The following SYT1 variants were observed in gnomAD, a reference collection of about 807,000 sequenced individuals.
SYT1 encodes synaptotagmin-1.
Under a neutral mutation model 44.8 loss-of-function variants are expected in SYT1, and 8 were observed. The observed-to-expected ratio is 0.18, with a 90% CI of 0.10 to 0.32. The LOEUF (loss-of-function observed/expected upper bound fraction) is 0.32. SYT1 is among the 10% of genes least tolerant of loss of function. The pLI, the probability that SYT1 is intolerant of heterozygous loss-of-function variation, is 1.00. For missense variants in SYT1, 286 were observed against 509.3 expected (o/e 0.56, Z 4.22); for synonymous variants, 154 against 188.8 (o/e 0.82, Z 1.51).
chr12:78,952,262 T>C (rs1236773408), intron 1 of SYT1, among the ~76,000 whole-genome samples: 8 of 152,110 alleles, frequency 5.3e-5, no homozygotes, highest in Admixed American at 5.2e-4. Flanking sequence ...AAAAAAGACC[T>C]AGAACAATTT....
At chr12:79,314,753 A>C (rs1880999376) in intron 8 of SYT1, among the ~76,000 whole-genome samples, 1 of 152,152 alleles carries the variant, frequency 6.6e-6, no homozygotes, top group Non-Finnish European at 1.5e-5. Flanking sequence ...ATACACACCA[A>C]AAAAAATGTA....
chr12:79,059,970 C>T (rs974825442), intron 3 of SYT1, among the ~76,000 whole-genome samples: 8 of 152,102 alleles, frequency 5.3e-5, no homozygotes, highest in Admixed American at 5.2e-4. Flanking sequence ...CTGTGTAATG[C>T]TAAAACCTGT....
intron 4 of SYT1, among the ~76,000 whole-genome samples, chr12:79,228,908 C>A (rs4842310): frequency 0.71 from 107,352 of 152,066 alleles, 38,537 homozygotes; most frequent in African/African-American, 0.81. Flanking sequence ...TCAAGTGTCA[C>A]CACTTGGATG....
At chr12:78,957,906 A>G (rs1879293986) in intron 1 of SYT1, among the ~76,000 whole-genome samples, 1 of 152,192 alleles carries the variant, frequency 6.6e-6, no homozygotes, top group South Asian at 2.1e-4. Flanking sequence ...CAGTTGACCC[A>G]ATCTGTAATT....
At chr12:79,049,673 C>G (rs10861415) in intron 3 of SYT1, among the ~76,000 whole-genome samples, 25,117 of 151,770 alleles carry the variant, frequency 0.17, 2,085 homozygotes, top group East Asian at 0.24. Context: ...ATAGATAATA[C>G]AGTGACATTT....
rs138628883 is a variant in SYT1, at chr12:79,139,621, T to C, written c.-17-77882T>C. ...AATGGTACTTTTTGATAAATAAAAA[T>C]GATGACATCCTCCTTCTATAATACC... On this transcript the variant is annotated intron_variant, in intron 3 of 10. Coordinates refer to ENST00000261205, the MANE Select transcript of SYT1 (RefSeq NM_005639.3). 7.9e-3 allele frequency among the ~76,000 whole-genome samples: 1,202 copies of C among 152,312 alleles called. 9 individuals carry two copies. The highest frequency in any genetic ancestry group is 0.014 in the Non-Finnish European group (951 of 68,018).
intron 1 of SYT1, among the ~76,000 whole-genome samples, chr12:78,967,234 C>A (rs577589639): frequency 4.6e-5 from 7 of 152,090 alleles, no homozygotes; most frequent in Non-Finnish European, 1.0e-4. Context: ...CAAAAGCTGA[C>A]ATGTATACAA....
chr12:78,982,437 T>A (rs1348491607), intron 2 of SYT1, among the ~76,000 whole-genome samples: 1 of 152,190 alleles, frequency 6.6e-6, no homozygotes, highest in African/African-American at 2.4e-5. Flanking sequence ...AAATAATTGT[T>A]CATCTTTCAT....
chr12:78,979,811 T>C (rs1226942920), intron 2 of SYT1, among the ~76,000 whole-genome samples: 4 of 152,082 alleles, frequency 2.6e-5, no homozygotes, highest in Non-Finnish European at 2.9e-5. Flanking sequence ...GTAAAAGGTA[T>C]TAAATTTATA....
intron 8 of SYT1, among the ~76,000 whole-genome samples, chr12:79,343,031 C>T (rs1882447633): frequency 6.6e-6 from 1 of 152,046 alleles, no homozygotes; most frequent in African/African-American, 2.4e-5. Flanking sequence ...CAAAGGGAGA[C>T]CAAGAGTGAG....
intron 3 of SYT1, among the ~76,000 whole-genome samples, chr12:79,064,798 AACACACACAC>A (rs375218157): frequency 6.7e-6 from 1 of 148,990 alleles, no homozygotes. Context: ...CTGCACCCCA[AACACACACAC>A]ACACACATAC....
intron 3 of SYT1, among the ~76,000 whole-genome samples, chr12:79,161,224 A>C (rs1870928966): frequency 6.6e-6 from 1 of 152,102 alleles, no homozygotes; most frequent in Admixed American, 6.6e-5. Flanking sequence ...TGGGCAACAG[A>C]GTGAGATCCT....
At chr12:79,089,607 A>T (rs1490976598) in intron 3 of SYT1, among the ~76,000 whole-genome samples, 2 of 152,008 alleles carry the variant, frequency 1.3e-5, no homozygotes, top group African/African-American at 4.8e-5. Flanking sequence ...TATGCAAAGG[A>T]TTCAAGTTTG....
intron 4 of SYT1, among the ~76,000 whole-genome samples, chr12:79,259,106 C>T (rs979511630): frequency 1.3e-4 from 20 of 152,252 alleles, no homozygotes; most frequent in Admixed American, 9.2e-4. Flanking sequence ...TCACATAAAA[C>T]TAGGAAATGT....
At chr12:78,916,770 T>C (rs1876678239) in intron 1 of SYT1, among the ~76,000 whole-genome samples, 2 of 152,052 alleles carry the variant, frequency 1.3e-5, no homozygotes, top group South Asian at 4.1e-4. Context: ...ACCTAATTTC[T>C]TTTTAAAGAC....
At chr12:79,017,083 A>G (rs1871856014) in intron 2 of SYT1, among the ~76,000 whole-genome samples, 1 of 152,148 alleles carries the variant, frequency 6.6e-6, no homozygotes, top group African/African-American at 2.4e-5. Context: ...GTGACTCCCT[A>G]ATATTCCACA....
At chr12:79,135,605 CT>C (rs1869137504) in intron 3 of SYT1, among the ~76,000 whole-genome samples, 2 of 152,056 alleles carry the variant, frequency 1.3e-5, no homozygotes, top group African/African-American at 4.8e-5. Context: ...CTTGGGAAGC[CT>C]TTTGGATACT....
At chr12:79,205,122 G>A (rs1193235214) in intron 3 of SYT1, among the ~76,000 whole-genome samples, 3 of 151,664 alleles carry the variant, frequency 2.0e-5, no homozygotes, top group Non-Finnish European at 4.4e-5. Context: ...CCACCACCAC[G>A]ACTGGCTAAT....
chr12:79,136,412 G>A (rs1251363003), intron 3 of SYT1, among the ~76,000 whole-genome samples: 1 of 152,178 alleles, frequency 6.6e-6, no homozygotes, highest in Non-Finnish European at 1.5e-5. Context: ...TGACCCCAAA[G>A]CCATCTTCTT....
Sources: gnomAD v4.1 joint callset for allele counts (sites outside exome capture counted in the v4.1 genomes callset) on GRCh38, gnomAD v4.1.1 for gene constraint, MANE v1.5 for transcripts, NCBI Gene and HGNC (gene_info 2026-07-23, HGNC 2026-07-21) for gene names.